Variants in ZDHHC15 observed in about 807,000 individuals in gnomAD.
The protein encoded by ZDHHC15 is zDHHC palmitoyltransferase 15.
ZDHHC15 carries 19 observed loss-of-function variants against 31.7 expected under a neutral mutation model. That is an observed-to-expected ratio of 0.60 (90% CI 0.42 to 0.88). The LOEUF (loss-of-function observed/expected upper bound fraction) is 0.88. Among genes scored for constraint, ZDHHC15 ranks in the 40% least tolerant of loss-of-function variants. ZDHHC15 has a pLI of 0.00. For synonymous variants in ZDHHC15, 103 were observed against 90.0 expected (o/e 1.14, Z -0.82); for missense variants, 209 against 251.2 (o/e 0.83, Z 1.14).
intron 4 of ZDHHC15, among the ~76,000 whole-genome samples, chrX:75,444,674 ATATATATATATAT>A (rs2084004579): frequency 2.4e-5 from 2 of 83,618 alleles, no homozygotes; most frequent in African/African-American, 9.8e-5. Context: ...ATATATATAT[ATATATATATATAT>A]ACACACACAC....
intron 2 of ZDHHC15, among the ~76,000 whole-genome samples, chrX:75,485,008 G>A (rs1350780576): frequency 9.0e-6 from 1 of 111,652 alleles, no homozygotes; most frequent in African/African-American, 3.3e-5. Context: ...CTATGGGAAA[G>A]GTAAAACTAA....
At chrX:75,497,491 G>A (rs1022287509) in intron 2 of ZDHHC15, among the ~76,000 whole-genome samples, 8 of 111,006 alleles carry the variant, frequency 7.2e-5, no homozygotes, top group Middle Eastern at 4.7e-3. Context: ...AGCCAGTATC[G>A]CCCTAATACC....
intron 2 of ZDHHC15, among the ~76,000 whole-genome samples, chrX:75,491,896 T>G (rs960717443): frequency 4.5e-5 from 5 of 111,262 alleles, no homozygotes; most frequent in African/African-American, 1.3e-4. Flanking sequence ...ACGAGCAAAA[T>G]AACCAGCTAA....
chrX:75,455,945 C>T (rs1050793535), intron 3 of ZDHHC15, among the ~76,000 whole-genome samples: 8 of 111,073 alleles, frequency 7.2e-5, no homozygotes, highest in Non-Finnish European at 1.3e-4. Flanking sequence ...GACAGTGTAG[C>T]GATTCCTCAA....
At chrX:75,441,752 T>C (rs2083944587) in intron 4 of ZDHHC15, among the ~76,000 whole-genome samples, 1 of 108,378 alleles carries the variant, frequency 9.2e-6, no homozygotes, top group African/African-American at 3.4e-5. Flanking sequence ...GCCCCCCGAG[T>C]AGCTGGGATT....
chrX:75,465,054 C>A (rs1381020183), intron 3 of ZDHHC15, among the ~76,000 whole-genome samples: 4 of 112,070 alleles, frequency 3.6e-5, no homozygotes, highest in Admixed American at 9.5e-5. Context: ...ATGTAGAAAA[C>A]CCTATTGTCT....
intron 4 of ZDHHC15, among the ~76,000 whole-genome samples, chrX:75,444,685 TATAC>T (rs1448710656): frequency 8.4e-4 from 26 of 31,072 alleles, no homozygotes; most frequent in South Asian, 2.7e-3. Flanking sequence ...TATATATATA[TATAC>T]ACACACACAC....
intron 1 of ZDHHC15, among the ~76,000 whole-genome samples, chrX:75,515,881 C>A (rs2085348164): frequency 1.8e-5 from 2 of 112,108 alleles, no homozygotes; most frequent in Non-Finnish European, 3.8e-5. Context: ...GCAACTTCAG[C>A]AAAGTCTCAG....
At chrX:75,437,517 A>G (rs1170005224) in intron 4 of ZDHHC15, among the ~76,000 whole-genome samples, 1 of 87,550 alleles carries the variant, frequency 1.1e-5, no homozygotes, top group African/African-American at 4.3e-5. Context: ...ATTCCCACCT[A>G]TGAGTGAGAA....
At chrX:75,495,427 C>G (rs1401729996) in intron 2 of ZDHHC15, among the ~76,000 whole-genome samples, 1 of 111,327 alleles carries the variant, frequency 9.0e-6, no homozygotes, top group African/African-American at 3.3e-5. Context: ...CATCCCATTA[C>G]TGGGTATATA....
intron 3 of ZDHHC15, among the ~76,000 whole-genome samples, chrX:75,463,605 A>AACAACAACAAC (rs2084356181): frequency 9.1e-6 from 1 of 110,002 alleles, no homozygotes; most frequent in Admixed American, 9.6e-5. Flanking sequence ...CAACAACAAC[A>AACAACAACAAC]AAAAACCCAT....
At chrX:75,394,284 C>T (rs778478579) in intron 10 of ZDHHC15, among the ~76,000 whole-genome samples, 1 of 109,994 alleles carries the variant, frequency 9.1e-6, no homozygotes, top group Non-Finnish European at 1.9e-5. Flanking sequence ...GGACAAAAAA[C>T]AAAAACAAAA....
At chrX:75,477,620 C>T (rs1225237599) in intron 3 of ZDHHC15, among the ~76,000 whole-genome samples, 4 of 111,742 alleles carry the variant, frequency 3.6e-5, no homozygotes, top group African/African-American at 1.3e-4. Context: ...TTCTTCGTCT[C>T]TTGTAACATT....
intron 4 of ZDHHC15, among the ~76,000 whole-genome samples, chrX:75,432,524 C>A (rs1473139469): frequency 9.0e-6 from 1 of 111,537 alleles, no homozygotes; most frequent in Admixed American, 9.6e-5. Context: ...ATATCTGGGT[C>A]CTTTTGCATA....
chrX:75,516,879 C>A (rs761455066), intron 1 of ZDHHC15, among the ~76,000 whole-genome samples: 1 of 111,572 alleles, frequency 9.0e-6, no homozygotes, highest in Admixed American at 9.5e-5. Context: ...AGAACTCAAA[C>A]AAATTTACAA....
intron 2 of ZDHHC15, among the ~76,000 whole-genome samples, chrX:75,504,501 C>T (rs1462568457): frequency 9.0e-6 from 1 of 110,692 alleles, no homozygotes; most frequent in East Asian, 2.8e-4. Context: ...CATCTCATTC[C>T]TAAATTCATC....
chrX:75,457,154 G>A (rs1269810143), intron 3 of ZDHHC15, among the ~76,000 whole-genome samples: 1 of 110,877 alleles, frequency 9.0e-6, no homozygotes, highest in African/African-American at 3.3e-5. Flanking sequence ...CTTCTAGTTG[G>A]TGTGTTGCAT....
intron 10 of ZDHHC15, among the ~76,000 whole-genome samples, chrX:75,399,285 A>G (rs2083331114): frequency 9.0e-6 from 1 of 111,607 alleles, no homozygotes; most frequent in African/African-American, 3.3e-5. Flanking sequence ...AACTGAAAGC[A>G]AAGCCTCTTA....
chrX:75,460,331 G>T (rs957110873), intron 3 of ZDHHC15, among the ~76,000 whole-genome samples: 1 of 110,952 alleles, frequency 9.0e-6, no homozygotes, highest in Admixed American at 9.6e-5. Flanking sequence ...TTATCTCTGT[G>T]GTGCAGTTGA....
Sources: gnomAD v4.1 joint callset for allele counts (sites outside exome capture counted in the v4.1 genomes callset) on GRCh38, gnomAD v4.1.1 for gene constraint, MANE v1.5 for transcripts, NCBI Gene and HGNC (gene_info 2026-07-23, HGNC 2026-07-21) for gene names.